The following SOBP variants were observed in gnomAD, a reference collection of about 807,000 sequenced individuals.
SOBP encodes sine oculis-binding protein homolog.
In SOBP, 4 loss-of-function variants were observed where a neutral mutation model predicts 53.6. That is an observed-to-expected ratio of 0.07 (90% CI 0.04 to 0.17). The LOEUF is 0.17. Ranked by LOEUF, SOBP falls within the 10% of genes least tolerant of loss-of-function variation. SOBP has a pLI of 1.00. For missense variants in SOBP, 1,088 were observed against 1,204.7 expected (o/e 0.90, Z 1.43); for synonymous variants, 584 against 522.6 (o/e 1.12, Z -1.60).
chr6:107,503,032 T>A (rs1047841663), intron 1 of SOBP, among the ~76,000 whole-genome samples: 4 of 152,190 alleles, frequency 2.6e-5, no homozygotes, highest in African/African-American at 7.2e-5. Flanking sequence ...AAGTGCGGGA[T>A]TACAGGCGTG....
At chr6:107,618,453 G>A (rs762634347) in intron 5 of SOBP, among the ~76,000 whole-genome samples, 6 of 152,166 alleles carry the variant, frequency 3.9e-5, no homozygotes, top group East Asian at 1.9e-4. Context: ...CTGAATTTGC[G>A]CAGAGGCCTG....
At chr6:107,532,469 C>T (rs1158015022) in intron 3 of SOBP, among the ~76,000 whole-genome samples, 2 of 151,972 alleles carry the variant, frequency 1.3e-5, no homozygotes, top group Non-Finnish European at 2.9e-5. Flanking sequence ...GTCATAACTT[C>T]TGACCACCTG....
At chr6:107,566,275 C>T (rs1045431501) in intron 4 of SOBP, among the ~76,000 whole-genome samples, 2 of 152,214 alleles carry the variant, frequency 1.3e-5, no homozygotes, top group Non-Finnish European at 2.9e-5. Flanking sequence ...GCCCAGTCCA[C>T]CTGGCTCAGC....
chr6:107,657,900 C>T (rs1035359878), intron 6 of SOBP, among the ~76,000 whole-genome samples: 22 of 151,390 alleles, frequency 1.5e-4, no homozygotes, highest in African/African-American at 5.3e-4. Flanking sequence ...GGGAGGGTTG[C>T]TGGGTTGCAA....
chr6:107,537,909 G>A lies in SOBP; in HGVS notation c.573+4299G>A, dbSNP rs140968133. On this transcript the variant is annotated intron_variant, in intron 4 of 6. Coordinates refer to ENST00000317357, the MANE Select transcript of SOBP (RefSeq NM_018013.4). ...ATCACAGTGGGAAGAAACCAATGTG[G>A]CTCAGAGATGAGGATAAGGATGCAT... Among the ~76,000 whole-genome samples the A allele has an allele frequency of 2.1e-4, 32 of 152,008 alleles. No homozygotes were observed. In the East Asian group the frequency reaches 5.6e-3, roughly 27 times the overall value.
chr6:107,571,061 T>G (rs1182517113), intron 4 of SOBP, among the ~76,000 whole-genome samples: 1 of 152,252 alleles, frequency 6.6e-6, no homozygotes, highest in East Asian at 1.9e-4. Context: ...ATTCCTTGCC[T>G]GGTGAGGGTA....
At chr6:107,610,368 G>T (rs1786544558) in intron 5 of SOBP, among the ~76,000 whole-genome samples, 1 of 152,174 alleles carries the variant, frequency 6.6e-6, no homozygotes, top group Non-Finnish European at 1.5e-5. Flanking sequence ...CTCCTGAAGA[G>T]GAGGGTGTAC....
rs1782535792 is a variant in SOBP, at chr6:107,490,162, C to T, written c.-455C>T. 6.7e-6 allele frequency: 1 copy of T among 149,322 alleles called. No homozygotes were observed. The highest frequency in any genetic ancestry group is 1.5e-5 in the Non-Finnish European group (1 of 66,622). 9.2% of individuals were successfully genotyped at this position (149,322 alleles called of 1,614,324 possible). On this transcript the variant is annotated 5_prime_UTR_variant, in exon 1 of 7. Coordinates refer to ENST00000317357, the MANE Select transcript of SOBP (RefSeq NM_018013.4). The stretch of plus-strand genomic sequence containing the variant: ...AGCCGCGCACGCACGCCCGGGGCCG[C>T]TCTCCGCGCCGGCCCTTGCTCCCCG...
At chr6:107,566,629 C>T (rs1052516346) in intron 4 of SOBP, among the ~76,000 whole-genome samples, 1 of 152,184 alleles carries the variant, frequency 6.6e-6, no homozygotes, top group African/African-American at 2.4e-5. Flanking sequence ...CGCCATCGAC[C>T]AGACCAGATT....
chr6:107,583,074 G>A (rs1200293054), intron 4 of SOBP, among the ~76,000 whole-genome samples: 3 of 152,220 alleles, frequency 2.0e-5, no homozygotes, highest in Non-Finnish European at 2.9e-5. Context: ...GGGGGCAGAT[G>A]TAGAATAAAC....
At chr6:107,514,531 G>C (rs868190380) in intron 3 of SOBP, 1 of 152,144 alleles carries the variant, frequency 6.6e-6, no homozygotes, top group Admixed American at 6.5e-5. Context: ...AATGTGTAAG[G>C]CACATTTTAG....
intron 6 of SOBP, among the ~76,000 whole-genome samples, chr6:107,644,285 C>T (rs1771462571): frequency 6.6e-6 from 1 of 152,210 alleles, no homozygotes; most frequent in Non-Finnish European, 1.5e-5. Flanking sequence ...GCCTGGGCGA[C>T]ACAGTGAGAC....
In SOBP at chr6:107,535,640, T is replaced by G. The variant is rs867191968; in HGVS notation, c.573+2030T>G. Among the ~76,000 whole-genome samples the G allele has an allele frequency of 1.6e-3, 221 of 136,696 alleles. 1 individual carries two copies. The highest frequency in any genetic ancestry group is 6.0e-3 in the African/African-American group (166 of 27,502). 89.7% of individuals were successfully genotyped at this position (136,696 alleles called of 152,430 possible). On this transcript the variant is annotated intron_variant, in intron 4 of 6. Transcript: ENST00000317357. ...GTGTGTGTGTGTGTGTGTGTGTGTT[T>G]TTTTTTTTTCCAAATAGAGAAATAA...
chr6:107,594,776 A>G (rs1233623155), intron 5 of SOBP, among the ~76,000 whole-genome samples: 2 of 152,216 alleles, frequency 1.3e-5, no homozygotes, highest in African/African-American at 4.8e-5. Context: ...TCTCACCGTA[A>G]CTTTTCTAAG....
chr6:107,564,794 C>T (rs1784870719), intron 4 of SOBP, among the ~76,000 whole-genome samples: 1 of 152,196 alleles, frequency 6.6e-6, no homozygotes, highest in African/African-American at 2.4e-5. Context: ...CCTCGGGGAG[C>T]CAAAATTTAA....
chr6:107,503,819 G>A lies in SOBP; in HGVS notation c.235+24G>A, dbSNP rs750448046. ...AGGTAATGACATTTAATGTCCTTTT[G>A]TTCATGCAAAGAAGGATTAACTATC... On this transcript the variant is annotated intron_variant, in intron 2 of 6. Transcript: ENST00000317357. 1.9e-6 allele frequency: 3 copies of A among 1,612,782 alleles called. No individual in the cohort carries two copies. In the Admixed American group the frequency reaches 5.0e-5, roughly 27 times the overall value.
rs34004579 is a variant in SOBP at position 107,521,909 on chromosome 6, AACACACACACACACAC to A, written c.422-11514_422-11499del. ...GTCTGGTGGAAGAGACAGACATTAA[AACACACACACACACAC>A]ACACACACACACACACACACACACA... On this transcript the variant is annotated intron_variant, in intron 3 of 6. Transcript: ENST00000317357. Among the ~76,000 whole-genome samples the A allele has an allele frequency of 9.3e-3, 1,297 of 138,968 alleles. 8 individuals are homozygous for A. Among genetic ancestry groups the A allele is most frequent in the South Asian group, 0.024 (98 of 4,160 alleles). 91.2% of individuals were successfully genotyped at this position (138,968 alleles called of 152,430 possible).
chr6:107,576,694 C>T (rs987776121), intron 4 of SOBP, among the ~76,000 whole-genome samples: 1 of 152,146 alleles, frequency 6.6e-6, no homozygotes, highest in African/African-American at 2.4e-5. Context: ...AGGGTGATGG[C>T]TGGGAATGGC....
At chr6:107,506,727 A>G (rs771176198) in intron 3 of SOBP, among the ~76,000 whole-genome samples, 1 of 152,162 alleles carries the variant, frequency 6.6e-6, no homozygotes, top group Non-Finnish European at 1.5e-5. Context: ...AAAAAAAGAT[A>G]AAATGGTTTT....
Sources: gnomAD v4.1 joint callset for allele counts (sites outside exome capture counted in the v4.1 genomes callset) on GRCh38, gnomAD v4.1.1 for gene constraint, MANE v1.5 for transcripts, NCBI Gene and HGNC (gene_info 2026-07-23, HGNC 2026-07-21) for gene names.